The following KIAA1549L variants were observed in gnomAD, a reference collection of about 807,000 sequenced individuals.
KIAA1549L encodes UPF0606 protein KIAA1549L.
Under a neutral mutation model 160.7 loss-of-function variants are expected in KIAA1549L, and 88 were observed. That is an observed-to-expected ratio of 0.55 (90% confidence interval 0.46 to 0.65). The LOEUF is 0.65. Ranked by LOEUF, KIAA1549L falls within the 30% of genes least tolerant of loss-of-function variation. The probability of loss-of-function intolerance (pLI) is 0.00; values close to 1 mark genes in which losing one functional copy is unlikely to be tolerated. For missense variants in KIAA1549L, 2,258 were observed against 2,437.5 expected (o/e 0.93, Z 1.55); for synonymous variants, 950 against 976.7 (o/e 0.97, Z 0.51).
At chr11:33,529,444 C>T (rs936043526) in intron 1 of KIAA1549L, among the ~76,000 whole-genome samples, 4 of 152,164 alleles carry the variant, frequency 2.6e-5, no homozygotes, top group Admixed American at 2.6e-4. Flanking sequence ...TGTTTATTGA[C>T]TGCTGACATA....
intron 1 of KIAA1549L, among the ~76,000 whole-genome samples, chr11:33,462,815 G>A (rs1851968679): frequency 6.6e-6 from 1 of 150,468 alleles, no homozygotes; most frequent in African/African-American, 2.4e-5. Flanking sequence ...AAAGTGTTTT[G>A]CCATTGTTCA....
intron 1 of KIAA1549L, among the ~76,000 whole-genome samples, chr11:33,402,725 C>T (rs554704740): frequency 6.6e-6 from 1 of 152,290 alleles, no homozygotes; most frequent in South Asian, 2.1e-4. Context: ...TCCTGAATTC[C>T]CCCGTGGGAG....
chr11:33,599,406 T>G (rs1850294880), intron 13 of KIAA1549L: 1 of 152,540 alleles, frequency 6.6e-6, no homozygotes, highest in Non-Finnish European at 1.5e-5. Flanking sequence ...TTTCATGGGT[T>G]CAGTCTGTGC....
chr11:33,618,356 A>AG (rs1850874460), intron 15 of KIAA1549L, among the ~76,000 whole-genome samples, 177 bp from the exon 16 acceptor site: 1 of 152,256 alleles, frequency 6.6e-6, no homozygotes, highest in Admixed American at 6.5e-5. Flanking sequence ...CTGGAAAAAA[A>AG]AAAATCTTTA....
Position 33,606,831 on chromosome 11 carries a change from C to T in KIAA1549L, c.5061+9C>T. The T allele has an allele frequency of 6.3e-7, 1 of 1,591,276 alleles. No individual in the cohort carries two copies. The highest frequency in any genetic ancestry group is 1.3e-5 in the African/African-American group (1 of 74,436). On this transcript the variant is annotated intron_variant, in intron 14 of 20. Transcript: ENST00000658780. ...CAGTCCTCAACGGCGAGGTAAGTGC[C>T]TGGAGACCCAGGGCAGGAGATGGTC...
At chr11:33,419,907 T>TAC (rs1463322707) in intron 1 of KIAA1549L, among the ~76,000 whole-genome samples, 788 of 35,518 alleles carry the variant, frequency 0.022, 5 homozygotes, top group African/African-American at 0.038. Context: ...CATACATACA[T>TAC]ATATATATAT....
At chr11:33,436,167 T>C (rs1372423224) in intron 1 of KIAA1549L, among the ~76,000 whole-genome samples, 2 of 151,978 alleles carry the variant, frequency 1.3e-5, no homozygotes, top group African/African-American at 4.8e-5. Context: ...GGGATTTTGG[T>C]ACCTGCAGGG....
intron 16 of KIAA1549L, among the ~76,000 whole-genome samples, chr11:33,642,744 C>T (rs191971559): frequency 8.0e-4 from 121 of 151,712 alleles, no homozygotes; most frequent in African/African-American, 2.7e-3. Flanking sequence ...ACCAGGTAAT[C>T]GAAAAAGGTT....
chr11:33,566,698 G>A (rs903553290), intron 8 of KIAA1549L, among the ~76,000 whole-genome samples: 3 of 152,122 alleles, frequency 2.0e-5, no homozygotes, highest in African/African-American at 7.2e-5. Flanking sequence ...CGGTTATCTG[G>A]GCTTGTATGG....
intron 1 of KIAA1549L, among the ~76,000 whole-genome samples, chr11:33,395,883 G>A (rs1850363627): frequency 6.6e-6 from 1 of 152,060 alleles, no homozygotes; most frequent in Non-Finnish European, 1.5e-5. Flanking sequence ...AGCACAGAGG[G>A]CAGAAGGTCC....
intron 4 of KIAA1549L, 51 bp from the exon 5 acceptor site, chr11:33,550,989 A>C (rs1854440259): frequency 6.8e-7 from 1 of 1,465,056 alleles, no homozygotes; most frequent in African/African-American, 1.4e-5. Flanking sequence ...GGAAGAACTT[A>C]AAGTGCTGTG....
chr11:33,381,536 G>A (rs1850074291), intron 1 of KIAA1549L, among the ~76,000 whole-genome samples: 1 of 152,226 alleles, frequency 6.6e-6, no homozygotes, highest in Non-Finnish European at 1.5e-5. Context: ...GTTGAAGAGA[G>A]AGATGGGGCT....
chr11:33,549,412 C>A (rs572318130), intron 4 of KIAA1549L, among the ~76,000 whole-genome samples: 1 of 152,154 alleles, frequency 6.6e-6, no homozygotes, highest in Non-Finnish European at 1.5e-5. Context: ...ATGTTAAAAG[C>A]AAATATTCAC....
intron 20 of KIAA1549L, among the ~76,000 whole-genome samples, chr11:33,666,376 G>C (rs2133460556): frequency 6.6e-6 from 1 of 152,298 alleles, no homozygotes; most frequent in African/African-American, 2.4e-5. Flanking sequence ...ATTTTGATTT[G>C]ATGATTTACA....
chr11:33,479,670 C>G (rs545750040), intron 1 of KIAA1549L, among the ~76,000 whole-genome samples: 79 of 152,162 alleles, frequency 5.2e-4, no homozygotes, highest in Non-Finnish European at 1.0e-3. Flanking sequence ...GCTTGTGATT[C>G]TCAAACCTTT....
chr11:33,461,815 T>C (rs1037144822), intron 1 of KIAA1549L, among the ~76,000 whole-genome samples: 7 of 152,198 alleles, frequency 4.6e-5, no homozygotes, highest in African/African-American at 1.7e-4. Flanking sequence ...GATGTAGAAA[T>C]TGAGGCATCG....
intron 1 of KIAA1549L, among the ~76,000 whole-genome samples, chr11:33,378,194 T>A (rs1849995438): frequency 6.6e-6 from 1 of 152,218 alleles, no homozygotes; most frequent in African/African-American, 2.4e-5. Context: ...CTGTTTTTGA[T>A]TAAAGGATAT....
intron 1 of KIAA1549L, among the ~76,000 whole-genome samples, chr11:33,446,064 G>A (rs1400483743): frequency 6.6e-6 from 1 of 151,710 alleles, no homozygotes; most frequent in African/African-American, 2.4e-5. Flanking sequence ...GTAGGTATTA[G>A]GGATTGTGGA....
At chr11:33,604,910 T>G (rs1230269243) in intron 13 of KIAA1549L, among the ~76,000 whole-genome samples, 1 of 152,238 alleles carries the variant, frequency 6.6e-6, no homozygotes, top group Non-Finnish European at 1.5e-5. Context: ...AGAATTCGTC[T>G]GTGTAACCAA....
Sources: allele counts gnomAD v4.1 joint callset (sites outside exome capture counted in the v4.1 genomes callset), GRCh38; gene constraint gnomAD v4.1.1; transcripts MANE v1.5; gene names NCBI Gene and HGNC (gene_info 2026-07-23, HGNC 2026-07-21).